Variants in ELMO1 observed in about 807,000 individuals in gnomAD.
ELMO1 encodes engulfment and cell motility protein 1.
A neutral mutation model predicts 98.9 loss-of-function variants in ELMO1; 26 were observed. The ratio of observed to expected loss-of-function variants is 0.26; its 90% CI spans 0.19 to 0.36. The LOEUF (loss-of-function observed/expected upper bound fraction) is 0.36. Among genes scored for constraint, ELMO1 ranks in the 10% least tolerant of loss-of-function variants. The pLI is 1.00. For missense variants in ELMO1, 627 were observed against 935.2 expected (o/e 0.67, Z 4.30); for synonymous variants, 346 against 346.0 (o/e 1.00, Z 0.00).
intron 13 of ELMO1, among the ~76,000 whole-genome samples, chr7:37,168,424 A>T (rs1031321480): frequency 2.0e-5 from 3 of 151,956 alleles, no homozygotes; most frequent in African/African-American, 7.3e-5. Context: ...TGCTTTTTAG[A>T]GTTTCCAGTT....
At chr7:36,860,650 A>G (rs1420869373) in intron 21 of ELMO1, among the ~76,000 whole-genome samples, 3 of 152,252 alleles carry the variant, frequency 2.0e-5, no homozygotes, top group Non-Finnish European at 4.4e-5. Flanking sequence ...CATCTTGAAT[A>G]TGGTGGCCTG....
In ELMO1 at chr7:37,013,358, T is replaced by C; in HGVS notation, c.1378A>G (p.Ile460Val). 6.2e-7 allele frequency: 1 copy of C among 1,614,110 alleles called. No homozygotes were observed. Among genetic ancestry groups the C allele is most frequent in the Non-Finnish European group, 8.5e-7 (1 of 1,180,002 alleles). ...RSFEEFFCICIQLLNKTWKEM... is the reference protein window; with the variant it reads ...RSFEEFFCICVQLLNKTWKEM... ...TTCCATGTCTTGTTCAGGAGCTGGA[T>C]ACAGATGCAGAAAAACTCCTCAAAG... The change falls in exon 16 of 22, where the codon ATC (isoleucine) becomes GTC (valine). Residue 460 changes from isoleucine (I) to valine (V), a missense_variant. Ile to Val is a conservative substitution (Grantham distance 29). Around this residue, in one of 3 missense-constraint regions of ELMO1, gnomAD observed 492 missense variants for 715.6 expected, o/e 0.69. Coordinates refer to ENST00000310758, the MANE Select transcript of ELMO1 (RefSeq NM_014800.11).
intron 4 of ELMO1, among the ~76,000 whole-genome samples, chr7:37,281,012 A>T (rs201026367): frequency 3.7e-5 from 4 of 108,778 alleles, no homozygotes; most frequent in African/African-American, 1.3e-4. Flanking sequence ...TATATATATA[A>T]ATATATATAT....
At chr7:37,059,055 G>A (rs764973227) in intron 15 of ELMO1, among the ~76,000 whole-genome samples, 2 of 152,186 alleles carry the variant, frequency 1.3e-5, no homozygotes, top group Non-Finnish European at 2.9e-5. Flanking sequence ...AGGTCTCCCT[G>A]TGGTTAGAGT....
intron 1 of ELMO1, chr7:37,419,840 C>T (rs1350472711): frequency 6.6e-6 from 1 of 152,122 alleles, no homozygotes; most frequent in East Asian, 1.9e-4. Context: ...TGACCAGTGG[C>T]AACATTTTCA....
chr7:37,380,519 A>G (rs904479986), intron 1 of ELMO1, among the ~76,000 whole-genome samples: 2 of 152,260 alleles, frequency 1.3e-5, no homozygotes, highest in African/African-American at 2.4e-5. Context: ...TTGCCCTGGC[A>G]TAATGACTGA....
intron 20 of ELMO1, among the ~76,000 whole-genome samples, chr7:36,869,006 T>C (rs2129039127): frequency 6.6e-6 from 1 of 152,282 alleles, no homozygotes; most frequent in Middle Eastern, 3.4e-3. Flanking sequence ...TTGAAGAAAG[T>C]CTGCTCCACA....
intron 13 of ELMO1, among the ~76,000 whole-genome samples, chr7:37,181,777 G>C (rs1410495625): frequency 6.6e-6 from 1 of 152,168 alleles, no homozygotes; most frequent in Non-Finnish European, 1.5e-5. Context: ...GCTGACTAAA[G>C]TCAGTACTTT....
At chr7:37,372,595 T>C (rs766117249) in intron 1 of ELMO1, among the ~76,000 whole-genome samples, 6 of 152,224 alleles carry the variant, frequency 3.9e-5, no homozygotes, top group Non-Finnish European at 7.3e-5. Context: ...AATTTAATAA[T>C]GAGTGCTTTT....
intron 14 of ELMO1, among the ~76,000 whole-genome samples, chr7:37,100,592 T>C (rs1457998437): frequency 1.3e-5 from 2 of 152,246 alleles, no homozygotes; most frequent in Non-Finnish European, 2.9e-5. Flanking sequence ...CTCTCTCTTT[T>C]GGGGGAGAGC....
chr7:37,047,895 G>GA (rs1221836692), intron 15 of ELMO1, among the ~76,000 whole-genome samples: 3 of 147,482 alleles, frequency 2.0e-5, no homozygotes, highest in Non-Finnish European at 3.0e-5. Context: ...TTTTTTTTTT[G>GA]AAAAAACGTA....
intron 14 of ELMO1, among the ~76,000 whole-genome samples, chr7:37,110,313 C>T (rs1785180245): frequency 6.6e-6 from 1 of 152,182 alleles, no homozygotes; most frequent in African/African-American, 2.4e-5. Flanking sequence ...TGCACAGGTG[C>T]CCAGGGAACA....
intron 14 of ELMO1, among the ~76,000 whole-genome samples, chr7:37,124,816 C>T (rs954930544): frequency 1.2e-4 from 19 of 152,110 alleles, no homozygotes; most frequent in African/African-American, 4.6e-4. Flanking sequence ...AAAAAAGAGC[C>T]CACATTGCCA....
At position 37,039,757 on chromosome 7, in the gene ELMO1, C is replaced by T. The variant is rs138746863; in HGVS notation, c.1301-26322G>A. ...CGACAATAAATACTTAAAATTCACA[C>T]GGTTTATTTAGATAAATAAAATTGT... On this transcript the variant is annotated intron_variant, in intron 15 of 21. Transcript: ENST00000310758. 1.2e-3 allele frequency among the ~76,000 whole-genome samples: 182 copies of T among 152,264 alleles called. 1 individual carries two copies. The highest frequency in any genetic ancestry group is 3.8e-4 in the Non-Finnish European group (26 of 68,032).
At chr7:37,113,639 C>T (rs766834765) in intron 14 of ELMO1, among the ~76,000 whole-genome samples, 10 of 152,134 alleles carry the variant, frequency 6.6e-5, no homozygotes, top group African/African-American at 2.2e-4. Context: ...GTGCTATGGA[C>T]GGAATTGCAC....
At chr7:37,050,564 T>C (rs933136237) in intron 15 of ELMO1, among the ~76,000 whole-genome samples, 1 of 151,266 alleles carries the variant, frequency 6.6e-6, no homozygotes, top group Non-Finnish European at 1.5e-5. Context: ...TAGTATTGTA[T>C]TGTATGCTGG....
At chr7:36,863,955 C>T (rs751007621) in intron 20 of ELMO1, among the ~76,000 whole-genome samples, 4 of 152,116 alleles carry the variant, frequency 2.6e-5, no homozygotes, top group Non-Finnish European at 4.4e-5. Context: ...CTGACTCATG[C>T]TTGAGAGATT....
chr7:36,944,061 CTGG>C (rs778203158), intron 16 of ELMO1, among the ~76,000 whole-genome samples: 9 of 152,190 alleles, frequency 5.9e-5, no homozygotes, highest in Non-Finnish European at 1.2e-4. Context: ...TCAATGCCAC[CTGG>C]TATTGCCACA....
intron 19 of ELMO1, among the ~76,000 whole-genome samples, chr7:36,873,464 C>A (rs1203482288): frequency 6.6e-6 from 1 of 152,210 alleles, no homozygotes; most frequent in Non-Finnish European, 1.5e-5. Context: ...CATTTACCCC[C>A]TGGGGCATGG....
Sources: gnomAD v4.1 joint callset for allele counts (sites outside exome capture counted in the v4.1 genomes callset) on GRCh38, gnomAD v4.1.1 for gene constraint, gnomAD v4.1.1 regional missense constraint, MANE v1.5 for transcripts, NCBI Gene and HGNC (gene_info 2026-07-23, HGNC 2026-07-21) for gene names.